RBFOX1: variants seen among roughly 807,000 people sequenced by gnomAD.
RBFOX1 encodes the protein RNA binding protein fox-1 homolog 1.
In RBFOX1, 8 loss-of-function variants were observed where a neutral mutation model predicts 57.7. The observed-to-expected ratio is 0.14, with a 90% confidence interval of 0.08 to 0.25. The LOEUF (loss-of-function observed/expected upper bound fraction) is 0.25. Ranked by LOEUF, RBFOX1 falls within the 10% of genes least tolerant of loss-of-function variation. The probability of loss-of-function intolerance (pLI) is 1.00; values close to 1 mark genes in which losing one functional copy is unlikely to be tolerated. For missense variants in RBFOX1, 611 were observed against 548.5 expected (o/e 1.11, Z -1.14); for synonymous variants, 326 against 222.4 (o/e 1.47, Z -4.15).
chr16:6,466,303 T>G (rs551958590), intron 2 of RBFOX1, among the ~76,000 whole-genome samples: 1 of 152,294 alleles, frequency 6.6e-6, no homozygotes, highest in African/African-American at 2.4e-5. Flanking sequence ...GACTGCATCT[T>G]AACATCATTG....
At chr16:7,078,077 A>C (rs541298337) in intron 4 of RBFOX1, among the ~76,000 whole-genome samples, 2 of 152,270 alleles carry the variant, frequency 1.3e-5, no homozygotes, top group South Asian at 4.1e-4. Context: ...GCCTCTCTCT[A>C]CCACTTGCTC....
intron 2 of RBFOX1, among the ~76,000 whole-genome samples, chr16:6,385,596 G>C (rs556612100): frequency 1.3e-5 from 2 of 152,338 alleles, no homozygotes; most frequent in African/African-American, 4.8e-5. Flanking sequence ...CTGACCTTAA[G>C]TGATCCACCT....
At chr16:7,563,279 A>G (rs1038744317) in intron 5 of RBFOX1, among the ~76,000 whole-genome samples, 2 of 152,116 alleles carry the variant, frequency 1.3e-5, no homozygotes, top group Non-Finnish European at 2.9e-5. Context: ...ACAGGTGTTG[A>G]CTCATTTGGG....
intron 5 of RBFOX1, among the ~76,000 whole-genome samples, chr16:7,556,633 A>G (rs1011363689): frequency 1.3e-5 from 2 of 152,176 alleles, no homozygotes; most frequent in African/African-American, 4.8e-5. Context: ...ATTAGTGGAA[A>G]GGCACTGGTT....
chr16:5,863,602 T>G (rs2057278102), intron 3 of RBFOX1, among the ~76,000 whole-genome samples: 1 of 152,222 alleles, frequency 6.6e-6, no homozygotes, highest in Admixed American at 6.5e-5. Context: ...TCTCTGAATC[T>G]AATATAATTT....
Position 6,019,896 on chromosome 16 carries a change from CT to C in RBFOX1, c.-221del. ...CAGCACCCCCTTCCGCCGCCTCCAG[CT>C]TATGGTGAGTGTGGCTGGGGGTGCA... On this transcript the variant is annotated 5_prime_UTR_variant, in exon 1 of 16. Coordinates refer to ENST00000550418, the MANE Select transcript of RBFOX1 (RefSeq NM_018723.4). The surrounding 1 kb of genome is among the most constrained non-coding windows in gnomAD (Gnocchi z 4.2). 6.5e-7 allele frequency: 1 copy of C among 1,535,130 alleles called. No individual in the cohort carries two copies. The highest frequency in any genetic ancestry group is 8.7e-7 in the Non-Finnish European group (1 of 1,146,612).
chr16:6,511,151 G>T (rs1012531462), intron 2 of RBFOX1, among the ~76,000 whole-genome samples: 1 of 152,074 alleles, frequency 6.6e-6, no homozygotes, highest in Non-Finnish European at 1.5e-5. Flanking sequence ...CTGGTGTTAC[G>T]CTGGGTTGGT....
At chr16:7,610,118 C>CTTTTTTTTTTTTTTTTTT (rs34468596) in intron 10 of RBFOX1, among the ~76,000 whole-genome samples, 737 of 65,590 alleles carry the variant, frequency 0.011, 172 homozygotes, top group Middle Eastern at 0.038. Context: ...GCCCGGCCCC[C>CTTTTTTTTTTTTTTTTTT]TTTTTTTTTT....
chr16:7,187,023 GA>G (rs2084025093), intron 4 of RBFOX1, among the ~76,000 whole-genome samples: 1 of 133,742 alleles, frequency 7.5e-6, no homozygotes, highest in Non-Finnish European at 1.5e-5. Flanking sequence ...AAAAAATTCA[GA>G]AATTAGCTGG....
intron 4 of RBFOX1, among the ~76,000 whole-genome samples, chr16:7,059,383 A>C (rs1011590362): frequency 1.3e-5 from 2 of 152,128 alleles, no homozygotes; most frequent in Non-Finnish European, 2.9e-5. Context: ...CTGTTCAGTT[A>C]TTTATTCAAG....
chr16:7,703,099 T>G (rs1000614716), intron 14 of RBFOX1, among the ~76,000 whole-genome samples: 1 of 145,552 alleles, frequency 6.9e-6, no homozygotes, highest in Non-Finnish European at 1.5e-5. Context: ...AGCATGCTTT[T>G]AGAACCACTG....
chr16:7,476,535 G>A (rs982090372), intron 4 of RBFOX1, among the ~76,000 whole-genome samples: 5 of 152,188 alleles, frequency 3.3e-5, no homozygotes, highest in African/African-American at 1.2e-4. Flanking sequence ...GATACAAGAG[G>A]AAAACTTGAG....
chr16:6,188,428 A>G (rs1284149172), intron 1 of RBFOX1, among the ~76,000 whole-genome samples: 1 of 151,946 alleles, frequency 6.6e-6, no homozygotes. Flanking sequence ...CAAAAAAAAA[A>G]AAAAAAAAAG....
chr16:6,892,770 GTCTCCCTCTCTCTCTCTCTCTCTC>G (rs1252935566), intron 3 of RBFOX1, among the ~76,000 whole-genome samples: 47 of 91,850 alleles, frequency 5.1e-4, no homozygotes, highest in South Asian at 1.1e-3. Flanking sequence ...AAGCCTCCCT[GTCTCCCTCTCTCTCTCTCTCTCTC>G]TCTCTCTCTC....
chr16:7,089,779 C>A (rs2060523600), intron 4 of RBFOX1, among the ~76,000 whole-genome samples: 1 of 152,160 alleles, frequency 6.6e-6, no homozygotes, highest in Non-Finnish European at 1.5e-5. Context: ...CTATTTTCTT[C>A]TCTCAGACCA....
intron 4 of RBFOX1, among the ~76,000 whole-genome samples, chr16:7,267,018 G>A (rs1297327214): frequency 2.6e-5 from 4 of 152,130 alleles, no homozygotes; most frequent in African/African-American, 9.7e-5. Flanking sequence ...GGTTCAAAAG[G>A]GTGAGCCAGC....
At chr16:5,599,224 C>T (rs1054811334) in exon 3 of RBFOX1, 1 of 695,276 alleles carries the variant, frequency 1.4e-6, no homozygotes, top group Non-Finnish European at 2.6e-6. Context: ...ACTTGGTGGA[C>T]AGATCCGGGG....
Position 6,471,340 on chromosome 16 carries a change from T to G in RBFOX1, c.-64+154283T>G, listed in dbSNP as rs559298766. ...CAAGAGGCATCCTCTACCAAGTAGATGCATAGCACAATTTATTCCATTCTG... is the reference window on the plus strand; with the variant it reads ...CAAGAGGCATCCTCTACCAAGTAGAGGCATAGCACAATTTATTCCATTCTG... On this transcript the variant is annotated intron_variant, in intron 2 of 15. Coordinates refer to ENST00000550418, the MANE Select transcript of RBFOX1 (RefSeq NM_018723.4). Among the ~76,000 whole-genome samples, 9 of 152,358 alleles carry G rather than the reference T, an allele frequency of 5.9e-5. No individual in the cohort carries two copies. The South Asian group carries it at 1.9e-3, about 32-fold the overall frequency.
intron 4 of RBFOX1, among the ~76,000 whole-genome samples, chr16:7,427,255 A>T (rs543185164): frequency 2.6e-5 from 4 of 152,192 alleles, no homozygotes; most frequent in Non-Finnish European, 5.9e-5. Context: ...CCTAGAACTT[A>T]AAGTATAATA....
Sources: gnomAD v4.1 joint callset for allele counts (sites outside exome capture counted in the v4.1 genomes callset) on GRCh38, gnomAD v4.1.1 for gene constraint, Gnocchi (gnomAD v3.1) non-coding constraint, MANE v1.5 for transcripts, NCBI Gene and HGNC (gene_info 2026-07-23, HGNC 2026-07-21) for gene names.